The following UXS1 variants were observed in gnomAD, a reference collection of about 807,000 sequenced individuals.
UXS1 encodes UDP-glucuronate decarboxylase 1, also known as UDP-glucuronic acid decarboxylase 1.
UXS1 carries 33 observed loss-of-function variants against 62.6 expected under a neutral mutation model. The observed-to-expected ratio is 0.53, with a 90% CI of 0.40 to 0.70. UXS1 has a LOEUF of 0.70. Among genes scored for constraint, UXS1 ranks in the 30% least tolerant of loss-of-function variants. The pLI, the probability that UXS1 is intolerant of heterozygous loss-of-function variation, is 0.00. For synonymous variants in UXS1, 213 were observed against 206.8 expected (o/e 1.03, Z -0.26); for missense variants, 434 against 556.3 (o/e 0.78, Z 2.21).
At chr2:106,166,610 C>G (rs1173142835) in intron 1 of UXS1, 1 of 153,764 alleles carries the variant, frequency 6.5e-6, no homozygotes, top group African/African-American at 2.4e-5. Context: ...ACATGGCTCA[C>G]ACTGCTCTGA....
At chr2:106,126,580 G>A (rs183562550) in intron 7 of UXS1, among the ~76,000 whole-genome samples, 5 of 152,156 alleles carry the variant, frequency 3.3e-5, no homozygotes, top group East Asian at 1.9e-4. Flanking sequence ...GGATTCTAGC[G>A]TGCAGCAGCC....
intron 9 of UXS1, among the ~76,000 whole-genome samples, chr2:106,116,333 C>G (rs1679053095): frequency 6.6e-6 from 1 of 152,188 alleles, no homozygotes; most frequent in Non-Finnish European, 1.5e-5. Flanking sequence ...AGACAACACC[C>G]AACCAGATTA....
In UXS1 at chr2:106,094,037, G is replaced by C. The variant is rs762311959; in HGVS notation, c.1267C>G (p.Arg423Gly). 6.2e-6 allele frequency: 10 copies of C among 1,611,798 alleles called. No individual in the cohort carries two copies. Among genetic ancestry groups the C allele is most frequent in the Non-Finnish European group, 8.5e-6 (10 of 1,179,416 alleles). ...KPARIKKGRTRHS is the reference protein window; with the variant it reads ...KPARIKKGRTGHS ...TAAAAGTGAGGAGTTCAGCTGTGGCGAGTCCGTCCTTTCTTTATTCTGGCA... is the reference window on the plus strand; with the variant it reads ...TAAAAGTGAGGAGTTCAGCTGTGGCCAGTCCGTCCTTTCTTTATTCTGGCA... The change falls in exon 15 of 15, where the codon CGC becomes GGC. Residue 423 changes from arginine to glycine, a missense_variant. Physicochemically the swap from Arg to Gly is moderately radical, Grantham distance 125. Transcript: ENST00000283148.
intron 12 of UXS1, among the ~76,000 whole-genome samples, chr2:106,100,491 G>A (rs546512705): frequency 2.6e-5 from 4 of 152,262 alleles, no homozygotes; most frequent in South Asian, 2.1e-4. Context: ...GCTTTCTGCC[G>A]GCCAGAACTG....
At chr2:106,172,296 C>A (rs2105080811) in intron 1 of UXS1, among the ~76,000 whole-genome samples, 1 of 152,298 alleles carries the variant, frequency 6.6e-6, no homozygotes, top group South Asian at 2.1e-4. Context: ...GGTGGAGCAG[C>A]CACCACTGGC....
chr2:106,139,788 T>C (rs137957787), intron 6 of UXS1, among the ~76,000 whole-genome samples: 2,132 of 152,332 alleles, frequency 0.014, 20 homozygotes, highest in South Asian at 0.032. Context: ...ATTTGTACCA[T>C]GAAACTAAAG....
chr2:106,118,891 T>C (rs1305037054), intron 9 of UXS1, among the ~76,000 whole-genome samples: 1 of 152,210 alleles, frequency 6.6e-6, no homozygotes, highest in Non-Finnish European at 1.5e-5. Context: ...AATCACAATT[T>C]ATACTTAAGG....
chr2:106,131,214 G>C (rs10208462), intron 6 of UXS1, among the ~76,000 whole-genome samples: 5 of 146,588 alleles, frequency 3.4e-5, no homozygotes, highest in Non-Finnish European at 7.6e-5. Flanking sequence ...AAAAAACGGC[G>C]CACCACGAGA....
chr2:106,130,267 G>A (rs1291921595), intron 6 of UXS1, among the ~76,000 whole-genome samples: 1 of 152,134 alleles, frequency 6.6e-6, no homozygotes, highest in Admixed American at 6.5e-5. Flanking sequence ...GGGAGGGAGG[G>A]AGGTTTTTAA....
chr2:106,170,532 T>C (rs1291612656), intron 1 of UXS1, among the ~76,000 whole-genome samples: 2 of 152,204 alleles, frequency 1.3e-5, no homozygotes, highest in African/African-American at 4.8e-5. Flanking sequence ...TTACTTTTTA[T>C]CTTCAGACGC....
intron 13 of UXS1, 49 bp downstream of exon 13, chr2:106,098,663 CAGAT>C (rs1423809964): frequency 3.7e-5 from 54 of 1,477,594 alleles, no homozygotes; most frequent in East Asian, 4.6e-5. Context: ...GTGTTATTAA[CAGAT>C]AGGGCAGGCA....
intron 5 of UXS1, among the ~76,000 whole-genome samples, chr2:106,150,350 G>A (rs1681909957): frequency 2.0e-5 from 3 of 152,362 alleles, no homozygotes; most frequent in African/African-American, 7.2e-5. Flanking sequence ...AAGGAAGCCA[G>A]GTTCTGTCCC....
At chr2:106,141,891 G>C (rs1263189638) in intron 6 of UXS1, among the ~76,000 whole-genome samples, 2 of 145,088 alleles carry the variant, frequency 1.4e-5, no homozygotes. Context: ...TTTTTTTTGA[G>C]ATGAGGTCTT....
intron 5 of UXS1, among the ~76,000 whole-genome samples, chr2:106,145,757 TTTA>T (rs1681508982): frequency 6.6e-6 from 1 of 152,194 alleles, no homozygotes; most frequent in African/African-American, 2.4e-5. Flanking sequence ...TAAAAATTAC[TTTA>T]TAGAAAAAAC....
At chr2:106,154,042 A>C (rs1300266031) in intron 5 of UXS1, among the ~76,000 whole-genome samples, 1 of 152,250 alleles carries the variant, frequency 6.6e-6, no homozygotes, top group South Asian at 2.1e-4. Context: ...GAGGAAATGC[A>C]GGAAACTAAA....
intron 1 of UXS1, among the ~76,000 whole-genome samples, chr2:106,174,125 G>C (rs1683729541): frequency 1.3e-5 from 2 of 152,160 alleles, no homozygotes; most frequent in Non-Finnish European, 2.9e-5. Flanking sequence ...TGCCAGCAGA[G>C]GCCCCTGGGG....
chr2:106,120,837 T>C (rs564912667), intron 9 of UXS1, among the ~76,000 whole-genome samples: 32 of 152,324 alleles, frequency 2.1e-4, no homozygotes, highest in African/African-American at 7.5e-4. Flanking sequence ...GGTGACTCCA[T>C]AGAAGGCGTA....
chr2:106,151,868 A>C (rs1484643464), intron 5 of UXS1, among the ~76,000 whole-genome samples: 1 of 152,196 alleles, frequency 6.6e-6, no homozygotes. Flanking sequence ...AAGGCAAGAG[A>C]CTTCTATAAC....
chr2:106,123,496 C>T (rs139566060), intron 8 of UXS1, among the ~76,000 whole-genome samples: 189 of 152,176 alleles, frequency 1.2e-3, no homozygotes, highest in African/African-American at 4.0e-3. Flanking sequence ...ATGAAAAACG[C>T]AGCATCTCTG....
Sources: gnomAD v4.1 joint callset for allele counts (sites outside exome capture counted in the v4.1 genomes callset) on GRCh38, gnomAD v4.1.1 for gene constraint, MANE v1.5 for transcripts, NCBI Gene and HGNC (gene_info 2026-07-23, HGNC 2026-07-21) for gene names.